Variants in ATXN2 observed in about 807,000 individuals in gnomAD.
ATXN2 encodes the protein ataxin-2.
In ATXN2, 37 loss-of-function variants were observed where a neutral mutation model predicts 138.6. The ratio of observed to expected loss-of-function variants is 0.27; its 90% confidence interval spans 0.21 to 0.35. ATXN2 has a LOEUF of 0.35. Ranked by LOEUF, ATXN2 falls within the 10% of genes least tolerant of loss-of-function variation. The pLI is 1.00. For missense variants in ATXN2, 1,216 were observed against 1,480.3 expected (o/e 0.82, Z 2.93); for synonymous variants, 549 against 543.7 (o/e 1.01, Z -0.13).
intron 1 of ATXN2, among the ~76,000 whole-genome samples, chr12:111,594,365 G>A (rs1328017587): frequency 6.6e-6 from 1 of 150,390 alleles, no homozygotes; most frequent in Non-Finnish European, 1.5e-5. Flanking sequence ...TTGAGATAGA[G>A]TCTCACTCTG....
chr12:111,492,964 T>C (rs1425325413), intron 14 of ATXN2, among the ~76,000 whole-genome samples: 1 of 151,966 alleles, frequency 6.6e-6, no homozygotes, highest in East Asian at 1.9e-4. Context: ...ATCCTATAAA[T>C]TTAAAAAAGA....
intron 5 of ATXN2, among the ~76,000 whole-genome samples, chr12:111,548,895 ACT>A (rs1293299816): frequency 3.3e-5 from 5 of 152,020 alleles, no homozygotes; most frequent in African/African-American, 1.2e-4. Flanking sequence ...CTAATTTTTT[ACT>A]TTTTTAGTAA....
chr12:111,591,992 G>A (rs553326234), intron 1 of ATXN2, among the ~76,000 whole-genome samples: 1 of 151,334 alleles, frequency 6.6e-6, no homozygotes, highest in South Asian at 2.1e-4. Context: ...TGAGGCAGGA[G>A]AATCGCTTGA....
At chr12:111,566,102 G>A (rs1430035087) in intron 1 of ATXN2, among the ~76,000 whole-genome samples, 1 of 152,102 alleles carries the variant, frequency 6.6e-6, no homozygotes, top group African/African-American at 2.4e-5. Flanking sequence ...CCATAGCCCA[G>A]GGATCAAGGG....
chr12:111,599,077 G>A lies in ATXN2; in HGVS notation c.-43C>T, dbSNP rs1885121457. On this transcript the variant is annotated 5_prime_UTR_variant, in exon 1 of 25. Coordinates refer to ENST00000673436, the MANE Select transcript of ATXN2 (RefSeq NM_001372574.1). The stretch of plus-strand genomic sequence containing the variant: ...CCGGCTCGCACGCCGGGCGGGGACA[G>A]CCGGGAGCCGGGCGCGCCAAGGAGA... The A allele has an allele frequency of 1.4e-6, 2 of 1,385,368 alleles. No homozygotes were observed. The highest frequency in any genetic ancestry group is 1.9e-6 in the Non-Finnish European group (2 of 1,068,516). The allele number at this position is 1,385,368 out of a possible 1,614,324, so 85.8% of individuals were successfully genotyped here.
intron 6 of ATXN2, among the ~76,000 whole-genome samples, 172 bp downstream of exon 6, chr12:111,525,020 C>T (rs984451617): frequency 6.6e-5 from 10 of 152,176 alleles, no homozygotes; most frequent in African/African-American, 2.4e-4. Context: ...AAATGACAAA[C>T]ATTTTTCTTT....
intron 3 of ATXN2, among the ~76,000 whole-genome samples, chr12:111,553,728 G>C (rs899085550): frequency 6.7e-6 from 1 of 150,242 alleles, no homozygotes; most frequent in African/African-American, 2.5e-5. Flanking sequence ...AGCCTCCCAA[G>C]TCACTAGGAC....
In ATXN2 at chr12:111,591,806, G is replaced by A. The variant is rs550870443; in HGVS notation, c.251+6978C>T. On this transcript the variant is annotated intron_variant, in intron 1 of 24. Coordinates refer to ENST00000673436, the MANE Select transcript of ATXN2 (RefSeq NM_001372574.1). ...TTTTTTAAGAGACAGGGTAGGCTGC[G>A]CACGGTGGCTCATGCCTATAATCCC... 1.4e-3 allele frequency among the ~76,000 whole-genome samples: 215 copies of A among 152,246 alleles called. 1 individual carries two copies. The highest frequency in any genetic ancestry group is 4.8e-3 in the African/African-American group (198 of 41,538).
intron 18 of ATXN2, chr12:111,482,710 G>GT (rs1877333177): frequency 6.7e-6 from 1 of 149,750 alleles, no homozygotes; most frequent in South Asian, 2.1e-4. Flanking sequence ...TAAAATGGCA[G>GT]TAAAAAAAAA....
In ATXN2 at chr12:111,544,925, C is replaced by T. The variant is rs145825807; in HGVS notation, c.571+7355G>A. On this transcript the variant is annotated intron_variant, in intron 5 of 24. Transcript: ENST00000673436. The stretch of plus-strand genomic sequence containing the variant: ...CTGTAATCCCAGCACTTTGGGAGGC[C>T]GAGGCAGATGGATCACAAGGTCAGG... Among the ~76,000 whole-genome samples, 263 of 150,754 alleles carry T rather than the reference C, an allele frequency of 1.7e-3. 1 individual carries two copies. Among genetic ancestry groups the T allele is most frequent in the Non-Finnish European group, 3.0e-3 (200 of 67,452 alleles).
Position 111,520,912 on chromosome 12 carries a change from G to T in ATXN2, c.758C>A (p.Ser253Tyr). ...RYNEENYGVV[S>Y]TYDSSLSSYT... ...CGAAGATAAACTGCTATCATACGTAGACACTACACCATAATTTTCTTCATT... is the reference window on the plus strand; with the variant it reads ...CGAAGATAAACTGCTATCATACGTATACACTACACCATAATTTTCTTCATT... Residue 253 changes from serine to tyrosine, a missense_variant, in exon 7 of 25, where the codon TCT (serine) becomes TAT (tyrosine). Ser to Tyr is a moderately radical substitution (Grantham distance 144). Around this residue, in one of 4 missense-constraint regions of ATXN2, gnomAD observed 401 missense variants for 528.1 expected, o/e 0.76. Transcript: ENST00000673436. The T allele has an allele frequency of 6.3e-7, 1 of 1,598,128 alleles. No homozygotes were observed. The highest frequency in any genetic ancestry group is 1.1e-5 in the South Asian group (1 of 88,910).
chr12:111,480,703 G>T (rs1440073205), intron 18 of ATXN2, among the ~76,000 whole-genome samples: 1 of 152,082 alleles, frequency 6.6e-6, no homozygotes, highest in African/African-American at 2.4e-5. Flanking sequence ...GGAAAGAATA[G>T]TCTTTTCAAC....
At position 111,457,325 on chromosome 12, in the gene ATXN2, G is replaced by A; in HGVS notation, c.2931C>T (p.His977=). Residue 977 remains histidine, a synonymous_variant, in exon 22 of 25, where the codon CAC becomes CAT. Coordinates refer to ENST00000673436, the MANE Select transcript of ATXN2 (RefSeq NM_001372574.1). ...TATGTGGGTGCAGGGTAGCGTTAGG[G>A]TGCGCATACTGCTGAGCAAGGGAGC... The part of the protein sequence containing the change: ...STGSLAQQYA[H]PNATLHPHTP... 6.2e-7 allele frequency: 1 copy of A among 1,613,906 alleles called. No individual in the cohort carries two copies. Among genetic ancestry groups the A allele is most frequent in the Non-Finnish European group, 8.5e-7 (1 of 1,179,910 alleles).
In ATXN2 at chr12:111,554,168, G is replaced by A. The variant is rs1380558435; in HGVS notation, c.338C>T (p.Thr113Ile). Residue 113 changes from threonine (T) to isoleucine (I), a missense_variant, in exon 3 of 25, where the codon ACA (threonine) becomes ATA (isoleucine). Coordinates refer to ENST00000673436, the MANE Select transcript of ATXN2 (RefSeq NM_001372574.1). ...YANMRMVHIL[T>I]SVVGSKCEVQ... is the part of the protein sequence containing the mutation. Reference sequence around the variant, plus strand: ...AATCTAATAACTTACAACAACTGATGTAAGTATATGAACCATCCTCATATT... The same window carrying A: ...AATCTAATAACTTACAACAACTGATATAAGTATATGAACCATCCTCATATT... 6.7e-7 allele frequency: 1 copy of A among 1,488,534 alleles called. No individual in the cohort carries two copies. The highest frequency in any genetic ancestry group is 9.0e-7 in the Non-Finnish European group (1 of 1,106,702). The allele number at this position is 1,488,534 out of a possible 1,614,324, so 92.2% of individuals were successfully genotyped here.
At position 111,598,454 on chromosome 12, in the gene ATXN2, A is replaced by T. The variant is rs1346203101; in HGVS notation, c.251+330T>A. On this transcript the variant is annotated intron_variant, in intron 1 of 24. Coordinates refer to ENST00000673436, the MANE Select transcript of ATXN2 (RefSeq NM_001372574.1). The surrounding 1 kb of genome is among the most constrained non-coding windows in gnomAD (Gnocchi z 4.5). The stretch of plus-strand genomic sequence containing the variant: ...ACGCTGCGGGCGGAGGATCGTGCGG[A>T]AGGGGGAGCCGGGGCTGACCATCGC... 3.0e-6 allele frequency: 3 copies of T among 985,122 alleles called. No homozygotes were observed. Among genetic ancestry groups the T allele is most frequent in the African/African-American group, 1.8e-5 (1 of 57,098 alleles). The allele number at this position is 985,122 out of a possible 1,614,324, so 61.0% of individuals were successfully genotyped here.
chr12:111,557,570 T>C (rs1882458231), intron 1 of ATXN2, among the ~76,000 whole-genome samples: 1 of 152,152 alleles, frequency 6.6e-6, no homozygotes, highest in South Asian at 2.1e-4. Context: ...TCACCTCTAC[T>C]TTACAGGTGA....
intron 5 of ATXN2, among the ~76,000 whole-genome samples, chr12:111,534,621 G>T (rs901668589): frequency 1.6e-4 from 24 of 152,074 alleles, no homozygotes; most frequent in Non-Finnish European, 3.2e-4. Flanking sequence ...ACTGCTTCGT[G>T]AAGATGAGTG....
chr12:111,587,073 C>CAAAAA (rs374631048), intron 1 of ATXN2, among the ~76,000 whole-genome samples: 14 of 112,832 alleles, frequency 1.2e-4, no homozygotes, highest in Non-Finnish European at 1.9e-4. Flanking sequence ...CCATTTCTAC[C>CAAAAA]AAAAAAAAAA....
chr12:111,589,979 A>ACAG (rs2135847620), intron 1 of ATXN2, among the ~76,000 whole-genome samples: 1 of 152,022 alleles, frequency 6.6e-6, no homozygotes, highest in East Asian at 2.0e-4. Context: ...GGAGGCCAAG[A>ACAG]CAGGCAGATC....
Sources: allele counts gnomAD v4.1 joint callset (sites outside exome capture counted in the v4.1 genomes callset), GRCh38; gene constraint gnomAD v4.1.1; regional missense constraint gnomAD v4.1.1; non-coding constraint Gnocchi (gnomAD v3.1); transcripts MANE v1.5; gene names NCBI Gene and HGNC (gene_info 2026-07-23, HGNC 2026-07-21).